LRRC4C: variants seen among roughly 807,000 people sequenced by gnomAD.
The protein encoded by LRRC4C is leucine-rich repeat-containing protein 4C.
Under a neutral mutation model 33.6 loss-of-function variants are expected in LRRC4C, and 5 were observed. The observed-to-expected ratio is 0.15, with a 90% confidence interval of 0.08 to 0.31. The LOEUF (loss-of-function observed/expected upper bound fraction) is 0.31. Among genes scored for constraint, LRRC4C ranks in the 10% least tolerant of loss-of-function variants. The pLI is 1.00. For synonymous variants in LRRC4C, 329 were observed against 302.0 expected, an observed-to-expected ratio of 1.09 and a Z score of -0.93; for missense variants, 560 against 796.7, an observed-to-expected ratio of 0.70 and a Z score of 3.58.
chr11:40,983,712 C>T (rs1314717336), intron 1 of LRRC4C, among the ~76,000 whole-genome samples: 2 of 152,072 alleles, frequency 1.3e-5, no homozygotes, highest in African/African-American at 4.8e-5. Context: ...CAAAGGAAGA[C>T]ATATATGTGG....
At chr11:40,227,289 A>G (rs1327899375) in intron 5 of LRRC4C, among the ~76,000 whole-genome samples, 1 of 152,232 alleles carries the variant, frequency 6.6e-6, no homozygotes, top group Non-Finnish European at 1.5e-5. Context: ...AGCATCAGGT[A>G]AAACATCCTA....
intron 1 of LRRC4C, among the ~76,000 whole-genome samples, chr11:41,051,292 T>G (rs1008140676): frequency 6.6e-6 from 1 of 152,104 alleles, no homozygotes; most frequent in African/African-American, 2.4e-5. Flanking sequence ...ATATTTTAAC[T>G]GCAAAGAGGT....
chr11:41,245,409 C>A (rs1163845510), intron 1 of LRRC4C, among the ~76,000 whole-genome samples: 2 of 152,172 alleles, frequency 1.3e-5, no homozygotes, highest in African/African-American at 4.8e-5. Flanking sequence ...CTGTGAACAG[C>A]CAGGCATCCC....
intron 3 of LRRC4C, among the ~76,000 whole-genome samples, chr11:40,330,342 T>C (rs1946303069): frequency 6.6e-6 from 1 of 152,166 alleles, no homozygotes; most frequent in Non-Finnish European, 1.5e-5. Flanking sequence ...TTAATTAACA[T>C]ATAATAATTG....
intron 3 of LRRC4C, among the ~76,000 whole-genome samples, chr11:40,545,076 A>T (rs1184901641): frequency 2.6e-5 from 4 of 151,958 alleles, no homozygotes. Flanking sequence ...ACCCAGCTCA[A>T]ATAGCACCTT....
intron 3 of LRRC4C, among the ~76,000 whole-genome samples, chr11:40,470,150 TG>T (rs1952857570): frequency 6.6e-6 from 1 of 152,150 alleles, no homozygotes; most frequent in Non-Finnish European, 1.5e-5. Flanking sequence ...TGGCATCTGG[TG>T]GGTGCCCCTC....
At chr11:40,845,695 C>T (rs1363800272) in intron 2 of LRRC4C, among the ~76,000 whole-genome samples, 1 of 152,112 alleles carries the variant, frequency 6.6e-6, no homozygotes, top group East Asian at 1.9e-4. Flanking sequence ...GGTATATACC[C>T]AGTAATGGGA....
intron 1 of LRRC4C, among the ~76,000 whole-genome samples, chr11:41,428,889 G>T (rs1955135132): frequency 6.6e-6 from 1 of 152,134 alleles, no homozygotes; most frequent in African/African-American, 2.4e-5. Context: ...ACTAAGCAAA[G>T]ATCACTTCAA....
chr11:40,208,812 G>A (rs1863353942), intron 5 of LRRC4C, among the ~76,000 whole-genome samples: 1 of 152,026 alleles, frequency 6.6e-6, no homozygotes, highest in African/African-American at 2.4e-5. Flanking sequence ...TCAGCTTATG[G>A]TTTGGTCAAT....
At chr11:41,187,793 G>A (rs551028163) in intron 1 of LRRC4C, among the ~76,000 whole-genome samples, 32 of 152,256 alleles carry the variant, frequency 2.1e-4, no homozygotes, top group African/African-American at 3.1e-4. Flanking sequence ...CCGTGGGGCC[G>A]GAGCACCACA....
At chr11:40,342,757 A>G (rs1182459639) in intron 3 of LRRC4C, among the ~76,000 whole-genome samples, 1 of 152,170 alleles carries the variant, frequency 6.6e-6, no homozygotes, top group Non-Finnish European at 1.5e-5. Flanking sequence ...TTTCAGAACA[A>G]GCACTTGCTT....
At chr11:40,289,121 C>T (rs565434484) in intron 4 of LRRC4C, among the ~76,000 whole-genome samples, 1 of 152,274 alleles carries the variant, frequency 6.6e-6, no homozygotes, top group African/African-American at 2.4e-5. Context: ...GATAAGACCT[C>T]AAATGAGGAT....
At chr11:41,037,889 C>T (rs992311225) in intron 1 of LRRC4C, among the ~76,000 whole-genome samples, 2 of 152,062 alleles carry the variant, frequency 1.3e-5, no homozygotes, top group Admixed American at 6.6e-5. Flanking sequence ...TTCATGTTTG[C>T]CTGGATTTTT....
At chr11:40,274,996 T>C (rs11035759) in intron 4 of LRRC4C, among the ~76,000 whole-genome samples, 21,273 of 152,148 alleles carry the variant, frequency 0.14, 1,889 homozygotes, top group Admixed American at 0.25. Flanking sequence ...ATAATAGACA[T>C]GGTGGTCATT....
At chr11:41,158,665 TC>T (rs1255683422) in intron 1 of LRRC4C, among the ~76,000 whole-genome samples, 3 of 152,122 alleles carry the variant, frequency 2.0e-5, no homozygotes. Context: ...CTCATGCCTT[TC>T]TCCTACATTT....
At chr11:41,181,174 T>A (rs1272118387) in intron 1 of LRRC4C, among the ~76,000 whole-genome samples, 1 of 152,136 alleles carries the variant, frequency 6.6e-6, no homozygotes, top group African/African-American at 2.4e-5. Context: ...ATCAAGACAG[T>A]ATGTTTTCTT....
intron 1 of LRRC4C, among the ~76,000 whole-genome samples, chr11:41,272,874 C>A (rs370697569): frequency 6.6e-6 from 1 of 152,044 alleles, no homozygotes; most frequent in Admixed American, 6.6e-5. Flanking sequence ...TGATTTAATT[C>A]TCAAGAATAT....
chr11:40,978,167 A>G (rs569775479), intron 1 of LRRC4C, among the ~76,000 whole-genome samples: 1 of 152,210 alleles, frequency 6.6e-6, no homozygotes, highest in Admixed American at 6.5e-5. Flanking sequence ...GATCTTCCAA[A>G]TCTTCTCCTG....
intron 1 of LRRC4C, among the ~76,000 whole-genome samples, chr11:41,087,156 A>G (rs918352203): frequency 6.6e-6 from 1 of 152,052 alleles, no homozygotes; most frequent in African/African-American, 2.4e-5. Flanking sequence ...TTTTTAAGTT[A>G]ATCATTGCAT....
Sources: gnomAD v4.1 joint callset for allele counts (sites outside exome capture counted in the v4.1 genomes callset) on GRCh38, gnomAD v4.1.1 for gene constraint, MANE v1.5 for transcripts, NCBI Gene and HGNC (gene_info 2026-07-23, HGNC 2026-07-21) for gene names.